Variants in ASTN1 observed in about 807,000 individuals in gnomAD.
ASTN1 encodes the protein astrotactin-1.
In ASTN1, 41 loss-of-function variants were observed where a neutral mutation model predicts 140.7. That is an observed-to-expected ratio of 0.29 (90% CI 0.23 to 0.38). ASTN1 has a LOEUF of 0.38. Ranked by LOEUF, ASTN1 falls within the 10% of genes least tolerant of loss-of-function variation. ASTN1 has a pLI of 1.00. For synonymous variants in ASTN1, 640 were observed against 652.2 expected, an observed-to-expected ratio of 0.98 and a Z score of 0.29; for missense variants, 1,479 against 1,678.8, an observed-to-expected ratio of 0.88 and a Z score of 2.08.
chr1:176,857,351 C>G, downstream of ASTN1: 1 of 386,820 alleles, frequency 2.6e-6, no homozygotes, highest in Non-Finnish European at 4.6e-6. Context: ...TAATCAAGAC[C>G]TAGTCAGGAA....
chr1:177,075,743 C>T (rs1433531754), intron 1 of ASTN1, among the ~76,000 whole-genome samples: 1 of 148,440 alleles, frequency 6.7e-6, no homozygotes, highest in Non-Finnish European at 1.5e-5. Context: ...AACTTCTGGG[C>T]TCAAGCAATC....
chr1:176,947,055 G>A (rs1671990022), intron 12 of ASTN1, among the ~76,000 whole-genome samples: 1 of 152,152 alleles, frequency 6.6e-6, no homozygotes, highest in South Asian at 2.1e-4. Context: ...GTTATAATAA[G>A]ATAAAGAACT....
At chr1:176,939,232 C>T (rs765008048) in intron 14 of ASTN1, among the ~76,000 whole-genome samples, 13 of 152,164 alleles carry the variant, frequency 8.5e-5, no homozygotes, top group Non-Finnish European at 1.8e-4. Flanking sequence ...TACCTAACTG[C>T]GTAAACTTGG....
At chr1:176,951,272 C>A (rs1033205589) in intron 11 of ASTN1, among the ~76,000 whole-genome samples, 2 of 152,188 alleles carry the variant, frequency 1.3e-5, no homozygotes, top group Admixed American at 6.5e-5. Context: ...TGCTAGCCTC[C>A]CACTAATCAT....
intron 16 of ASTN1, among the ~76,000 whole-genome samples, chr1:176,911,693 ATCT>A (rs1161194197): frequency 1.3e-5 from 2 of 152,234 alleles, no homozygotes; most frequent in East Asian, 3.8e-4. Flanking sequence ...TAACAATGCC[ATCT>A]TCTGAACTAC....
intron 2 of ASTN1, among the ~76,000 whole-genome samples, chr1:177,033,133 G>GTC (rs1676533849): frequency 6.6e-6 from 1 of 151,666 alleles, no homozygotes; most frequent in South Asian, 2.1e-4. Flanking sequence ...CTGTGTGTGT[G>GTC]TGTGTGTGTG....
At chr1:177,049,915 G>A (rs1332106045) in intron 2 of ASTN1, among the ~76,000 whole-genome samples, 1 of 152,120 alleles carries the variant, frequency 6.6e-6, no homozygotes, top group Non-Finnish European at 1.5e-5. Flanking sequence ...GAGGGGCTGG[G>A]GATGGTCACA....
At chr1:177,058,162 C>G (rs951198393) in intron 2 of ASTN1, among the ~76,000 whole-genome samples, 10 of 152,124 alleles carry the variant, frequency 6.6e-5, no homozygotes, top group African/African-American at 2.4e-4. Flanking sequence ...GCTCCACTAA[C>G]CAAACCATCT....
chr1:176,963,285 T>C (rs1672743373), intron 9 of ASTN1, among the ~76,000 whole-genome samples: 5 of 152,184 alleles, frequency 3.3e-5, no homozygotes. Flanking sequence ...GTGAGCATAG[T>C]AGCAAATAAG....
intron 2 of ASTN1, among the ~76,000 whole-genome samples, chr1:177,038,899 C>A (rs1030401537): frequency 6.6e-6 from 1 of 152,092 alleles, no homozygotes; most frequent in Non-Finnish European, 1.5e-5. Context: ...CTTCTTCAAA[C>A]CAAAGAAACT....
chr1:176,969,485 C>T (rs1038689327), intron 8 of ASTN1, among the ~76,000 whole-genome samples: 1 of 152,194 alleles, frequency 6.6e-6, no homozygotes, highest in South Asian at 2.1e-4. Flanking sequence ...GAGACAGCAA[C>T]TCCTATCTGG....
At chr1:177,016,152 T>A (rs1675535821) in intron 7 of ASTN1, among the ~76,000 whole-genome samples, 1 of 152,154 alleles carries the variant, frequency 6.6e-6, no homozygotes, top group Admixed American at 6.5e-5. Context: ...GGATAGGGCC[T>A]GAGCAAGAGC....
intron 14 of ASTN1, among the ~76,000 whole-genome samples, chr1:176,942,866 A>ATATATATATATATATATATAT (rs1385017638): frequency 2.9e-5 from 2 of 69,976 alleles, no homozygotes; most frequent in Non-Finnish European, 5.7e-5. Flanking sequence ...ATATATATAT[A>ATATATATATATATATATATAT]GATTGATGTC....
intron 3 of ASTN1, among the ~76,000 whole-genome samples, chr1:177,031,367 T>C (rs2223301): frequency 0.53 from 80,150 of 151,984 alleles, 21,876 homozygotes; most frequent in Non-Finnish European, 0.6. Flanking sequence ...TGCGCCATTC[T>C]GTATTGTCTG....
chr1:177,078,227 C>T (rs1224699904), intron 1 of ASTN1, among the ~76,000 whole-genome samples: 1 of 152,170 alleles, frequency 6.6e-6, no homozygotes, highest in African/African-American at 2.4e-5. Flanking sequence ...CCCAGAGCCC[C>T]AGCTGTCCTG....
chr1:176,861,671 A>G lies in ASTN1; in HGVS notation c.*2613T>C, dbSNP rs1667966674. On this transcript the variant is annotated 3_prime_UTR_variant, in exon 23 of 23. Coordinates refer to ENST00000361833, the MANE Select transcript of ASTN1 (RefSeq NM_004319.3). Reference sequence around the variant, plus strand: ...GGAGCCAGTCATAGGAGTTGTGTGCATTGTGTGTGCACACGTGTGTGTGTG... The same window carrying G: ...GGAGCCAGTCATAGGAGTTGTGTGCGTTGTGTGTGCACACGTGTGTGTGTG... 8.1e-6 allele frequency: 8 copies of G among 985,454 alleles called. No individual in the cohort carries two copies. The highest frequency in any genetic ancestry group is 9.6e-6 in the Non-Finnish European group (8 of 829,972). The allele number at this position is 985,454 out of a possible 1,614,324, so 61.0% of individuals were successfully genotyped here.
intron 21 of ASTN1, among the ~76,000 whole-genome samples, chr1:176,870,137 T>C (rs888764412): frequency 6.6e-6 from 1 of 152,250 alleles, no homozygotes; most frequent in East Asian, 1.9e-4. Context: ...TCATTAAATA[T>C]TTTCTCTTTT....
intron 8 of ASTN1, among the ~76,000 whole-genome samples, chr1:176,977,787 G>T (rs1459031596): frequency 1.3e-5 from 2 of 152,136 alleles, no homozygotes; most frequent in African/African-American, 4.8e-5. Context: ...GCAGAGCCAG[G>T]GCTCAAGCCC....
chr1:176,967,998 T>C (rs1391211041), intron 8 of ASTN1, among the ~76,000 whole-genome samples: 1 of 152,118 alleles, frequency 6.6e-6, no homozygotes, highest in Non-Finnish European at 1.5e-5. Flanking sequence ...CCTGATCACA[T>C]TTAAAGGCAG....
Sources: allele counts gnomAD v4.1 joint callset (sites outside exome capture counted in the v4.1 genomes callset), GRCh38; gene constraint gnomAD v4.1.1; transcripts MANE v1.5; gene names NCBI Gene and HGNC (gene_info 2026-07-23, HGNC 2026-07-21).